The following ELP3 variants were observed in gnomAD, a reference collection of about 807,000 sequenced individuals.
The protein encoded by ELP3 is elongator acetyltransferase complex subunit 3.
ELP3 carries 56 observed loss-of-function variants against 74.9 expected under a neutral mutation model. The observed-to-expected ratio is 0.75, with a 90% confidence interval of 0.60 to 0.93. ELP3 has a LOEUF of 0.93. ELP3 is among the 40% of genes least tolerant of loss of function. The pLI is 0.00. For synonymous variants in ELP3, 222 were observed against 239.8 expected, an observed-to-expected ratio of 0.93 and a Z score of 0.68; for missense variants, 573 against 686.5, an observed-to-expected ratio of 0.83 and a Z score of 1.85.
chr8:28,100,058 G>C, intron 3 of ELP3, 92 bp downstream of exon 3: 1 of 1,545,472 alleles, frequency 6.5e-7, no homozygotes, highest in South Asian at 1.1e-5. Context: ...GTGAGGTAGA[G>C]GTTGGGGATT....
intron 10 of ELP3, among the ~76,000 whole-genome samples, chr8:28,141,330 C>T (rs1001979757): frequency 2.6e-5 from 4 of 152,114 alleles, no homozygotes; most frequent in East Asian, 1.9e-4. Context: ...AGTCAGGAGA[C>T]GTTAGACAAA....
intron 8 of ELP3, 97 bp downstream of exon 8, chr8:28,129,760 G>A (rs1812721046): frequency 7.1e-7 from 1 of 1,407,528 alleles, no homozygotes; most frequent in East Asian, 2.3e-5. Context: ...ACCACTCTTA[G>A]GGAAAGAAGT....
At position 28,189,533 on chromosome 8, in the gene ELP3, TGTGGGAGAGAATTTGGTCTCTGG is replaced by T. The variant is rs1449807826; in HGVS notation, c.1568-105_1568-83del. 6.8e-5 allele frequency: 57 copies of T among 840,968 alleles called. No homozygotes were observed. The African/African-American group carries it at 8.3e-4, about 12-fold the overall frequency. 52.1% of individuals were successfully genotyped at this position (840,968 alleles called of 1,614,324 possible). On this transcript the variant is annotated intron_variant, in intron 14 of 14. Transcript: ENST00000256398. ...CCAAACTTATTAAGCTGAGATTTTA[TGTGGGAGAGAATTTGGTCTCTGG>T]GTGGGAGAGAGTGTAAGGCTGAGGG... is the stretch of plus-strand genomic sequence containing the variant.
At chr8:28,158,050 CAAAAAA>C (rs11323782) in intron 11 of ELP3, among the ~76,000 whole-genome samples, 6 of 93,658 alleles carry the variant, frequency 6.4e-5, no homozygotes, top group East Asian at 2.8e-4. Flanking sequence ...GCCCTTCTTG[CAAAAAA>C]AAAAAAAAAA....
chr8:28,103,709 A>G (rs916427914), intron 3 of ELP3, among the ~76,000 whole-genome samples: 3 of 152,150 alleles, frequency 2.0e-5, no homozygotes, highest in African/African-American at 7.2e-5. Flanking sequence ...ACACTTGGAG[A>G]TGTCGGTGTT....
At chr8:28,172,504 A>C (rs535869542) in intron 14 of ELP3, among the ~76,000 whole-genome samples, 130 of 152,224 alleles carry the variant, frequency 8.5e-4, no homozygotes, top group South Asian at 2.3e-3. Context: ...GTATTATGCA[A>C]CTTTGCTAGA....
chr8:28,127,416 C>G (rs1812622024), intron 7 of ELP3, among the ~76,000 whole-genome samples: 1 of 152,216 alleles, frequency 6.6e-6, no homozygotes, highest in African/African-American at 2.4e-5. Flanking sequence ...GTTGGAATGC[C>G]TCATTCTAGG....
intron 5 of ELP3, 147 bp from the exon 6 acceptor site, chr8:28,110,223 C>A: frequency 4.3e-6 from 3 of 700,452 alleles, no homozygotes; most frequent in South Asian, 1.7e-5. Context: ...TATTTTGAAC[C>A]CTGACAAGAC....
rs73668167 is a variant in ELP3, at chr8:28,181,713, C to T, written c.1568-7936C>T. Among the ~76,000 whole-genome samples, 690 of 152,336 alleles carry T rather than the reference C, an allele frequency of 4.5e-3. 8 individuals carry two copies. The highest frequency in any genetic ancestry group is 0.016 in the African/African-American group (652 of 41,572). Reference sequence around the variant, plus strand: ...TGGGCCTACCCCATCACATAGGTGCCAGGCGCATTAGAAACGCTCTGGGCC... The same window carrying T: ...TGGGCCTACCCCATCACATAGGTGCTAGGCGCATTAGAAACGCTCTGGGCC... On this transcript the variant is annotated intron_variant, in intron 14 of 14. Transcript: ENST00000256398.
At chr8:28,178,941 A>G (rs1814878262) in intron 14 of ELP3, among the ~76,000 whole-genome samples, 1 of 152,232 alleles carries the variant, frequency 6.6e-6, no homozygotes, top group South Asian at 2.1e-4. Context: ...GAGTTTTTCT[A>G]AAATCCACAA....
At chr8:28,160,553 G>C (rs1814035840) in intron 13 of ELP3, 97 bp downstream of exon 13, 1 of 1,033,526 alleles carries the variant, frequency 9.7e-7, no homozygotes, top group Non-Finnish European at 1.4e-6. Context: ...AGGCAGAGGA[G>C]CAGGAGAGGG....
At chr8:28,095,667 T>C (rs1384794855) in intron 1 of ELP3, among the ~76,000 whole-genome samples, 1 of 152,244 alleles carries the variant, frequency 6.6e-6, no homozygotes, top group Non-Finnish European at 1.5e-5. Context: ...ATGGAAGTTG[T>C]GGTGAAAAGA....
intron 14 of ELP3, among the ~76,000 whole-genome samples, chr8:28,166,854 G>A (rs1814326471): frequency 6.6e-6 from 1 of 152,188 alleles, no homozygotes; most frequent in Non-Finnish European, 1.5e-5. Flanking sequence ...AGATCCAATC[G>A]TGTGACTGTT....
At chr8:28,161,350 GA>G (rs1396328877) in intron 13 of ELP3, among the ~76,000 whole-genome samples, 1 of 152,104 alleles carries the variant, frequency 6.6e-6, no homozygotes, top group Non-Finnish European at 1.5e-5. Context: ...GAGGCAGGGG[GA>G]TCACCTGAGG....
chr8:28,175,500 C>A (rs4301404), intron 14 of ELP3, among the ~76,000 whole-genome samples: 10,947 of 152,192 alleles, frequency 0.072, 781 homozygotes, highest in East Asian at 0.32. Context: ...TATTGACATT[C>A]CTTTTTGATA....
rs1291518422 is a variant in ELP3 at position 28,147,159 on chromosome 8, T to A, written c.1101-8783T>A. Reference sequence around the variant, plus strand: ...ATCATACAGTTCTGCTTACCAACACTGTATGTAAAACCTTCCCTAGAGAGT... The same window carrying A: ...ATCATACAGTTCTGCTTACCAACACAGTATGTAAAACCTTCCCTAGAGAGT... On this transcript the variant is annotated intron_variant, in intron 10 of 14. Coordinates refer to ENST00000256398, the MANE Select transcript of ELP3 (RefSeq NM_018091.6). The surrounding 1 kb of genome is among the most constrained non-coding windows in gnomAD (Gnocchi z 4.5). 6.6e-6 allele frequency among the ~76,000 whole-genome samples: 1 copy of A among 152,266 alleles called. No individual in the cohort carries two copies. The highest frequency in any genetic ancestry group is 1.9e-4 in the East Asian group (1 of 5,206).
intron 1 of ELP3, among the ~76,000 whole-genome samples, chr8:28,096,246 A>C (rs1003120301): frequency 1.7e-4 from 26 of 152,354 alleles, no homozygotes; most frequent in African/African-American, 6.0e-4. Flanking sequence ...AGAATTCGTT[A>C]TGGTGAATTG....
At chr8:28,130,239 C>G (rs1232373506) in intron 8 of ELP3, among the ~76,000 whole-genome samples, 1 of 152,122 alleles carries the variant, frequency 6.6e-6, no homozygotes, top group African/African-American at 2.4e-5. Context: ...CAGTTAATTG[C>G]TAAATTAGTG....
intron 9 of ELP3, among the ~76,000 whole-genome samples, chr8:28,136,541 T>C (rs9314359): frequency 0.51 from 77,433 of 151,670 alleles, 20,477 homozygotes; most frequent in East Asian, 0.89. Context: ...AAAATATAAA[T>C]GTTACAGGAA....
Sources: allele counts gnomAD v4.1 joint callset (sites outside exome capture counted in the v4.1 genomes callset), GRCh38; gene constraint gnomAD v4.1.1; non-coding constraint Gnocchi (gnomAD v3.1); transcripts MANE v1.5; gene names NCBI Gene and HGNC (gene_info 2026-07-23, HGNC 2026-07-21).